The following OTULIN variants were observed in gnomAD, a reference collection of about 807,000 sequenced individuals.
OTULIN encodes ubiquitin thioesterase otulin.
In OTULIN, 15 loss-of-function variants were observed where a neutral mutation model predicts 39.6. The observed-to-expected ratio is 0.38, with a 90% CI of 0.25 to 0.58. OTULIN has a LOEUF of 0.58. Among genes scored for constraint, OTULIN ranks in the 20% least tolerant of loss-of-function variants. The probability of loss-of-function intolerance (pLI) is 0.66; values close to 1 mark genes in which losing one functional copy is unlikely to be tolerated. For missense variants in OTULIN, 319 were observed against 445.9 expected, an observed-to-expected ratio of 0.72 and a Z score of 2.56; for synonymous variants, 156 against 170.3, an observed-to-expected ratio of 0.92 and a Z score of 0.65.
Position 14,664,850 on chromosome 5 carries a change from C to T in OTULIN, c.25C>T (p.Pro9Ser). The T allele has an allele frequency of 8.2e-7, 1 of 1,214,166 alleles. No homozygotes were observed. The highest frequency in any genetic ancestry group is 1.0e-6 in the Non-Finnish European group (1 of 975,698). 75.2% of individuals were successfully genotyped at this position (1,214,166 alleles called of 1,614,324 possible). The change falls in exon 1 of 7, where the codon CCC becomes TCC. Residue 9 changes from proline to serine, a missense_variant. Physicochemically the swap from Pro to Ser is moderately conservative, Grantham distance 74. This residue lies in a region of OTULIN where 132 missense variants were observed against 143.7 expected (regional missense o/e 0.92). Transcript: ENST00000284274. ...CATGAGTCGGGGGACTATGCCCCAG[C>T]CCGAAGCGTGGCCAGGCGCGAGCTG... MSRGTMPQ[P>S]EAWPGASCAE...
At chr5:14,674,522 G>A (rs933743344) in intron 2 of OTULIN, among the ~76,000 whole-genome samples, 3 of 152,210 alleles carry the variant, frequency 2.0e-5, no homozygotes, top group Admixed American at 6.5e-5. Context: ...TGGGGAGGCC[G>A]AGGCGGGCGG....
intron 1 of OTULIN, among the ~76,000 whole-genome samples, chr5:14,673,319 A>G (rs187842946): frequency 6.6e-6 from 1 of 152,336 alleles, no homozygotes; most frequent in African/African-American, 2.4e-5. Context: ...TTCACTAATA[A>G]GATGCATGCT....
At chr5:14,712,222 C>G in the OTULIN span, among the ~76,000 whole-genome samples, 3 of 152,366 alleles carry the variant, frequency 2.0e-5, no homozygotes, top group African/African-American at 7.2e-5. Flanking sequence ...CGTCACGCAC[C>G]GTGAGCAGGC....
intron 3 of OTULIN, among the ~76,000 whole-genome samples, chr5:14,679,794 G>A (rs1157509691): frequency 6.6e-6 from 1 of 152,226 alleles, no homozygotes; most frequent in Non-Finnish European, 1.5e-5. Flanking sequence ...TTCTCTGCAA[G>A]TCTGATATGT....
At position 14,690,198 on chromosome 5, in the gene OTULIN, G is replaced by A. The variant is rs1579976635; in HGVS notation, c.754G>A (p.Glu252Lys). The change falls in exon 6 of 7, where the codon GAA (glutamate) becomes AAA (lysine). Residue 252 changes from glutamate to lysine, a missense_variant. Physicochemically the swap from Glu to Lys is moderately conservative, Grantham distance 56. Around this residue, in one of 4 missense-constraint regions of OTULIN, gnomAD observed 106 missense variants for 192.8 expected, o/e 0.55. Transcript: ENST00000284274. The surrounding 1 kb of genome is among the most constrained non-coding windows in gnomAD (Gnocchi z 4.5). Reference protein sequence around the residue: ...ELYNDKEKGKEVPFFSVLLFA... With the variant: ...ELYNDKEKGKKVPFFSVLLFA... ...ATATAATGATAAAGAGAAAGGAAAG[G>A]AAGTACCATTTTTCTCTGTGCTTCT... 1 of 1,614,162 alleles carries A rather than the reference G, an allele frequency of 6.2e-7. No individual in the cohort carries two copies. Among genetic ancestry groups the A allele is most frequent in the Non-Finnish European group, 8.5e-7 (1 of 1,180,020 alleles).
intron 4 of OTULIN, among the ~76,000 whole-genome samples, chr5:14,682,383 G>A (rs1736273531): frequency 6.6e-6 from 1 of 152,084 alleles, no homozygotes; most frequent in Non-Finnish European, 1.5e-5. Context: ...ACCCTGTTCA[G>A]TTAGCAGCCA....
chr5:14,705,342 G>A, the OTULIN span: 1 of 152,068 alleles, frequency 6.6e-6, no homozygotes, highest in Non-Finnish European at 1.5e-5. Flanking sequence ...AGAATGAGGT[G>A]ATTTTATTCT....
At chr5:14,680,010 A>G (rs1320803672) in intron 3 of OTULIN, among the ~76,000 whole-genome samples, 3 of 152,174 alleles carry the variant, frequency 2.0e-5, no homozygotes, top group Non-Finnish European at 4.4e-5. Context: ...CCTCCATTCT[A>G]TTTTAGTCCT....
Position 14,681,623 on chromosome 5 carries a change from A to G in OTULIN, c.468+16A>G. 2 of 1,595,656 alleles carry G rather than the reference A, an allele frequency of 1.3e-6. No individual in the cohort carries two copies. Among genetic ancestry groups the G allele is most frequent in the Non-Finnish European group, 1.7e-6 (2 of 1,174,138 alleles). ...GCTCATGCTGGTACGCTGCTGCTGC[A>G]GGTTTGAGTCCAAAATGTTTCAAAC... On this transcript the variant is annotated intron_variant, in intron 4 of 6. Coordinates refer to ENST00000284274, the MANE Select transcript of OTULIN (RefSeq NM_138348.6).
At chr5:14,669,103 C>T (rs941681262) in intron 1 of OTULIN, among the ~76,000 whole-genome samples, 2 of 152,306 alleles carry the variant, frequency 1.3e-5, no homozygotes, top group South Asian at 2.1e-4. Flanking sequence ...GTGGCTCACA[C>T]CTGTAATCCC....
At chr5:14,711,113 CA>C in the OTULIN span, 1 of 1,226,684 alleles carries the variant, frequency 8.2e-7, no homozygotes, top group Non-Finnish European at 1.2e-6. Flanking sequence ...AAAAAGGGAA[CA>C]AAATACGATG....
chr5:14,713,573 G>T, the OTULIN span: 1 of 1,614,194 alleles, frequency 6.2e-7, no homozygotes, highest in Non-Finnish European at 8.5e-7. This position sits in a 1 kb window ranked among gnomAD's most constrained non-coding sequence, Gnocchi z 4.4. Context: ...CGAGGCTGGC[G>T]ATGAGGACGA....
At chr5:14,709,927 T>G in the OTULIN span, 10 of 152,306 alleles carry the variant, frequency 6.6e-5, no homozygotes, top group Non-Finnish European at 1.5e-4. Context: ...TATTTTTTTT[T>G]TTAGGTTCTT....
intron 2 of OTULIN, among the ~76,000 whole-genome samples, chr5:14,678,168 G>A (rs1227330961): frequency 6.6e-6 from 1 of 152,230 alleles, no homozygotes; most frequent in African/African-American, 2.4e-5. Context: ...TATGATACAA[G>A]GTGCCAGCTG....
At chr5:14,705,032 A>C in the OTULIN span, 1 of 152,146 alleles carries the variant, frequency 6.6e-6, no homozygotes, top group Admixed American at 6.5e-5. Flanking sequence ...CAAATATTTT[A>C]TTTGTATTTT....
Position 14,695,563 on chromosome 5 carries a change from A to G in OTULIN, c.*2515A>G, listed in dbSNP as rs1339928449. The G allele has an allele frequency of 6.6e-6, 1 of 152,250 alleles. No homozygotes were observed. Among genetic ancestry groups the G allele is most frequent in the Admixed American group, 6.5e-5 (1 of 15,282 alleles). 9.4% of individuals were successfully genotyped at this position (152,250 alleles called of 1,614,324 possible). ...AAAGTTATCTCCATCTTAAGCAGGC[A>G]TGACTTTTATACCTGTGAGCTCATT... On this transcript the variant is annotated 3_prime_UTR_variant, in exon 7 of 7. Transcript: ENST00000284274.
At chr5:14,681,704 C>G in intron 4 of OTULIN, 97 bp downstream of exon 4, 1 of 1,343,412 alleles carries the variant, frequency 7.4e-7, no homozygotes, top group Admixed American at 2.9e-5. Context: ...GTATCGTCTG[C>G]AGTATGATGT....
chr5:14,689,982 T>C, intron 5 of OTULIN, 57 bp from the exon 6 acceptor site: 1 of 1,559,122 alleles, frequency 6.4e-7, no homozygotes, highest in Non-Finnish European at 8.7e-7. Flanking sequence ...AGTATGGTAC[T>C]ATACCAGGGA....
intron 1 of OTULIN, 42 bp from the exon 2 acceptor site, chr5:14,673,600 T>C (rs759763724): frequency 6.3e-7 from 1 of 1,585,736 alleles, no homozygotes; most frequent in South Asian, 1.1e-5. Flanking sequence ...AAAATGTCAG[T>C]GCAACAAGTG....
Sources: gnomAD v4.1 joint callset for allele counts (sites outside exome capture counted in the v4.1 genomes callset) on GRCh38, gnomAD v4.1.1 for gene constraint, gnomAD v4.1.1 regional missense constraint, Gnocchi (gnomAD v3.1) non-coding constraint, MANE v1.5 for transcripts, NCBI Gene and HGNC (gene_info 2026-07-23, HGNC 2026-07-21) for gene names.